The following TLE1 variants were observed in gnomAD, a reference collection of about 807,000 sequenced individuals.
TLE1 encodes the protein transducin-like enhancer protein 1.
A neutral mutation model predicts 89.8 loss-of-function variants in TLE1; 21 were observed. The observed-to-expected ratio is 0.23, with a 90% confidence interval of 0.17 to 0.34. TLE1 has a LOEUF of 0.34. Among genes scored for constraint, TLE1 ranks in the 10% least tolerant of loss-of-function variants. The probability of loss-of-function intolerance (pLI) is 1.00; values close to 1 mark genes in which losing one functional copy is unlikely to be tolerated. For missense variants in TLE1, 795 were observed against 1,031.2 expected, an observed-to-expected ratio of 0.77 and a Z score of 3.14; for synonymous variants, 447 against 407.6, an observed-to-expected ratio of 1.10 and a Z score of -1.16.
rs1269920860 is a variant in TLE1 at position 81,640,735 on chromosome 9, G to C, written c.373-6434C>G. Among the ~76,000 whole-genome samples the C allele has an allele frequency of 2.0e-5, 3 of 152,140 alleles. No individual in the cohort carries two copies. In the East Asian group the frequency reaches 5.8e-4, roughly 29 times the overall value. ...ATATTACTATAATGAAACTGACTTT[G>C]CTGTTTACATTCAGAGTGTTACTGT... On this transcript the variant is annotated intron_variant, in intron 6 of 19. Transcript: ENST00000376499.
At chr9:81,592,840 T>C (rs1048677851) in intron 15 of TLE1, among the ~76,000 whole-genome samples, 185 bp downstream of exon 15, 1 of 152,150 alleles carries the variant, frequency 6.6e-6, no homozygotes, top group African/African-American at 2.4e-5. Context: ...ATTTAGCCAG[T>C]ACAACAGCAA....
At chr9:81,645,506 C>T (rs1473967996) in intron 6 of TLE1, among the ~76,000 whole-genome samples, 3 of 151,952 alleles carry the variant, frequency 2.0e-5, no homozygotes, top group African/African-American at 4.8e-5. Context: ...TTTGAGAGGC[C>T]GAGATGGGTG....
intron 4 of TLE1, among the ~76,000 whole-genome samples, chr9:81,678,330 C>G (rs1012027824): frequency 1.3e-5 from 2 of 152,148 alleles, no homozygotes; most frequent in African/African-American, 4.8e-5. Context: ...CTGCCTCACT[C>G]AGCACTAGTA....
At chr9:81,632,150 T>C (rs1010583598) in intron 8 of TLE1, among the ~76,000 whole-genome samples, 2 of 151,902 alleles carry the variant, frequency 1.3e-5, no homozygotes, top group African/African-American at 4.8e-5. Flanking sequence ...GCTTCCTCCA[T>C]AAACTAAAGC....
At chr9:81,667,540 G>A (rs1831636954) in intron 4 of TLE1, among the ~76,000 whole-genome samples, 1 of 152,118 alleles carries the variant, frequency 6.6e-6, no homozygotes, top group Non-Finnish European at 1.5e-5. Context: ...AGTAACAGCT[G>A]CCACTCTCCT....
chr9:81,661,734 T>TCTGTGAAATGACAA (rs1422822717), intron 4 of TLE1, among the ~76,000 whole-genome samples: 1 of 151,882 alleles, frequency 6.6e-6, no homozygotes, highest in Non-Finnish European at 1.5e-5. Flanking sequence ...AGTTTCTGAG[T>TCTGTGAAATGACAA]CTGTGAAATG....
intron 12 of TLE1, among the ~76,000 whole-genome samples, 200 bp downstream of exon 12, chr9:81,613,177 T>C (rs917877249): frequency 6.6e-6 from 1 of 152,220 alleles, no homozygotes; most frequent in African/African-American, 2.4e-5. Flanking sequence ...TGTAAACAGT[T>C]GGAGACTGAA....
At chr9:81,666,800 TAAA>T (rs1209154161) in intron 4 of TLE1, among the ~76,000 whole-genome samples, 5 of 148,384 alleles carry the variant, frequency 3.4e-5, no homozygotes, top group South Asian at 4.2e-4. Context: ...AATAAATAAA[TAAA>T]TAAATAAAAT....
Position 81,685,681 on chromosome 9 carries a change from T to C in TLE1, c.229A>G (p.Lys77Glu). 6.2e-7 allele frequency: 1 copy of C among 1,613,582 alleles called. No individual in the cohort carries two copies. Among genetic ancestry groups the C allele is most frequent in the Non-Finnish European group, 8.5e-7 (1 of 1,179,658 alleles). Residue 77 changes from lysine to glutamate, a missense_variant, in exon 4 of 20, where the codon AAA (lysine) becomes GAA (glutamate). Lys to Glu is a moderately conservative substitution (Grantham distance 56). Coordinates refer to ENST00000376499, the MANE Select transcript of TLE1 (RefSeq NM_005077.5). Reference sequence around the variant, plus strand: ...GAAGTTCAACTAAAGCTTACCTGTTTGTGCATTTCAATGTTTAATCCATAT... The same window carrying C: ...GAAGTTCAACTAAAGCTTACCTGTTCGTGCATTTCAATGTTTAATCCATAT... ...MSYGLNIEMH[K>E]QTEIAKRLNT...
chr9:81,610,008 A>G (rs1260412934), intron 14 of TLE1, among the ~76,000 whole-genome samples: 2 of 152,162 alleles, frequency 1.3e-5, no homozygotes, highest in Non-Finnish European at 2.9e-5. Flanking sequence ...TTCTCTCCAG[A>G]AATAACTAAG....
intron 16 of TLE1, among the ~76,000 whole-genome samples, chr9:81,590,517 T>C (rs1829330664): frequency 1.3e-5 from 2 of 152,248 alleles, no homozygotes; most frequent in South Asian, 4.1e-4. Context: ...GGCCACCCCT[T>C]GGCAAAAGCC....
At chr9:81,626,621 A>G (rs1228080783) in intron 8 of TLE1, among the ~76,000 whole-genome samples, 1 of 152,170 alleles carries the variant, frequency 6.6e-6, no homozygotes, top group Non-Finnish European at 1.5e-5. Context: ...CACAGTTTAA[A>G]TGCAAACTAT....
At chr9:81,651,805 A>G (rs1467964330) in intron 6 of TLE1, among the ~76,000 whole-genome samples, 2 of 152,084 alleles carry the variant, frequency 1.3e-5, no homozygotes, top group Admixed American at 1.3e-4. Flanking sequence ...AGGATGAACT[A>G]CATTTATTTT....
chr9:81,636,198 A>G (rs1377435961), intron 6 of TLE1, among the ~76,000 whole-genome samples: 1 of 152,094 alleles, frequency 6.6e-6, no homozygotes, highest in Non-Finnish European at 1.5e-5. Context: ...TTTATGCATA[A>G]AATCACCTTC....
At chr9:81,595,868 T>C (rs1298065674) in intron 14 of TLE1, among the ~76,000 whole-genome samples, 1 of 150,436 alleles carries the variant, frequency 6.6e-6, no homozygotes, top group Non-Finnish European at 1.5e-5. Context: ...GAGTTGCACA[T>C]GATTTAAAGG....
intron 6 of TLE1, 102 bp downstream of exon 6, chr9:81,652,111 AC>A: frequency 9.9e-7 from 1 of 1,005,808 alleles, no homozygotes; most frequent in Non-Finnish European, 1.5e-6. Context: ...TAAGATACAC[AC>A]ACACACACAC....
intron 7 of TLE1, chr9:81,633,800 A>C: frequency 4.2e-6 from 2 of 481,622 alleles, no homozygotes; most frequent in East Asian, 6.1e-5. Flanking sequence ...AAAATTACCC[A>C]ATTAAGCAGT....
At chr9:81,614,257 A>C (rs1824119611) in intron 11 of TLE1, among the ~76,000 whole-genome samples, 1 of 152,186 alleles carries the variant, frequency 6.6e-6, no homozygotes, top group African/African-American at 2.4e-5. Context: ...GGATTGAGAC[A>C]AATGGTGAGA....
At chr9:81,668,418 G>A (rs1588191030) in intron 4 of TLE1, among the ~76,000 whole-genome samples, 2 of 152,154 alleles carry the variant, frequency 1.3e-5, no homozygotes, top group South Asian at 2.1e-4. Context: ...AAGGATCCTA[G>A]ATGACAGGTG....
Sources: gnomAD v4.1 joint callset for allele counts (sites outside exome capture counted in the v4.1 genomes callset) on GRCh38, gnomAD v4.1.1 for gene constraint, MANE v1.5 for transcripts, NCBI Gene and HGNC (gene_info 2026-07-23, HGNC 2026-07-21) for gene names.